Variants in TMEM71 observed in about 807,000 individuals in gnomAD.
TMEM71 encodes the protein transmembrane protein 71.
In TMEM71, 44 loss-of-function variants were observed where a neutral mutation model predicts 38.0. The ratio of observed to expected loss-of-function variants is 1.16; its 90% confidence interval spans 0.91 to 1.49. The LOEUF is 1.49. Ranked by LOEUF, TMEM71 falls within the 40% of genes most tolerant of loss-of-function variation. The pLI, the probability that TMEM71 is intolerant of heterozygous loss-of-function variation, is 0.00. For synonymous variants in TMEM71, 133 were observed against 122.5 expected (o/e 1.09, Z -0.56); for missense variants, 367 against 348.6 (o/e 1.05, Z -0.42).
intron 3 of TMEM71, among the ~76,000 whole-genome samples, chr8:132,753,950 C>A (rs1198711813): frequency 6.6e-6 from 1 of 152,144 alleles, no homozygotes; most frequent in African/African-American, 2.4e-5. Flanking sequence ...TCCATGTCCT[C>A]CCTGGGTCCT....
chr8:132,746,958 G>C lies in TMEM71; in HGVS notation c.471C>G (p.Asp157Glu). 1 of 1,603,736 alleles carries C rather than the reference G, an allele frequency of 6.2e-7. No individual in the cohort carries two copies. The highest frequency in any genetic ancestry group is 8.5e-7 in the Non-Finnish European group (1 of 1,176,946). ...WLKGTRRLDT[D>E]HCNGNADDLD... Reference sequence around the variant, plus strand: ...CAAACTCACCATTTCCATTGCAATGGTCTGTGTCCAACCTCCTGGTCCCCT... The same window carrying C: ...CAAACTCACCATTTCCATTGCAATGCTCTGTGTCCAACCTCCTGGTCCCCT... Residue 157 changes from aspartate to glutamate, a missense_variant, in exon 5 of 10, where the codon GAC (aspartate) becomes GAG (glutamate). By Grantham distance (45) the Asp-to-Glu change is conservative. Transcript: ENST00000677595.
chr8:132,770,182 G>T, the TMEM71 span, among the ~76,000 whole-genome samples: 15 of 152,158 alleles, frequency 9.9e-5, no homozygotes, highest in African/African-American at 3.6e-4. Context: ...TCTCTCATTT[G>T]GCTTGGTTTT....
intron 6 of TMEM71, 32 bp downstream of exon 6, chr8:132,727,766 G>A: frequency 1.3e-6 from 2 of 1,529,860 alleles, no homozygotes; most frequent in African/African-American, 1.4e-5. Flanking sequence ...AATTCTTTGG[G>A]TGTGGCAAAT....
chr8:132,766,060 A>G, the TMEM71 span, among the ~76,000 whole-genome samples: 1 of 152,140 alleles, frequency 6.6e-6, no homozygotes, highest in African/African-American at 2.4e-5. Context: ...CTGGGATTAC[A>G]GATATGAGCC....
chr8:132,716,252 G>A (rs966067792), intron 7 of TMEM71, among the ~76,000 whole-genome samples: 3 of 152,200 alleles, frequency 2.0e-5, no homozygotes, highest in South Asian at 2.1e-4. Flanking sequence ...CAAAGTTGTG[G>A]CTAGGCCCGG....
intron 5 of TMEM71, among the ~76,000 whole-genome samples, chr8:132,732,008 T>C (rs962781111): frequency 1.3e-5 from 2 of 152,322 alleles, no homozygotes; most frequent in East Asian, 1.9e-4. Flanking sequence ...AAAAGCTGCA[T>C]GGATACGGGC....
At chr8:132,753,413 T>G (rs1828834080) in intron 3 of TMEM71, among the ~76,000 whole-genome samples, 1 of 152,212 alleles carries the variant, frequency 6.6e-6, no homozygotes, top group Non-Finnish European at 1.5e-5. Context: ...TGTATTCCAC[T>G]TAATTGCATA....
chr8:132,714,464 C>T (rs1436625088), intron 7 of TMEM71, among the ~76,000 whole-genome samples: 1 of 152,012 alleles, frequency 6.6e-6, no homozygotes, highest in African/African-American at 2.4e-5. Flanking sequence ...GGAGAACATA[C>T]CGTCTTTTCA....
At chr8:132,738,487 T>C (rs1827864111) in intron 5 of TMEM71, among the ~76,000 whole-genome samples, 1 of 152,172 alleles carries the variant, frequency 6.6e-6, no homozygotes, top group African/African-American at 2.4e-5. Context: ...TTCCTTAGGA[T>C]ACTGGTTGAT....
the TMEM71 span, among the ~76,000 whole-genome samples, chr8:132,766,729 G>A: frequency 2.6e-4 from 39 of 151,278 alleles, no homozygotes; most frequent in Non-Finnish European, 5.9e-5. Context: ...AGGCGGAGGT[G>A]GCAGTGAGCC....
chr8:132,757,347 A>G, intron 2 of TMEM71, 53 bp from the exon 3 acceptor site: 1 of 1,327,994 alleles, frequency 7.5e-7, no homozygotes, highest in South Asian at 1.2e-5. Flanking sequence ...ATCAACAGTT[A>G]CATATGTTGA....
the TMEM71 span, chr8:132,775,516 C>T: frequency 2.7e-6 from 1 of 375,388 alleles, no homozygotes. Context: ...CCCCAGCTCG[C>T]TCCGCTCCTG....
intron 2 of TMEM71, chr8:132,758,361 A>T (rs1000574704): frequency 6.2e-6 from 1 of 160,768 alleles, no homozygotes; most frequent in Non-Finnish European, 1.4e-5. Context: ...AAAGGAATTT[A>T]GACTTTCAGA....
intron 6 of TMEM71, among the ~76,000 whole-genome samples, chr8:132,724,440 C>G (rs1019548611): frequency 6.6e-6 from 1 of 152,144 alleles, no homozygotes; most frequent in African/African-American, 2.4e-5. Context: ...AGCGATGTCT[C>G]TCCTACTTGC....
At chr8:132,760,111 A>C (rs1829247962) in intron 1 of TMEM71, among the ~76,000 whole-genome samples, 1 of 152,082 alleles carries the variant, frequency 6.6e-6, no homozygotes. Context: ...AGAAGGTCTT[A>C]TTGCTCTATC....
intron 4 of TMEM71, among the ~76,000 whole-genome samples, chr8:132,748,782 C>A (rs562574558): frequency 9.2e-5 from 14 of 152,276 alleles, no homozygotes; most frequent in African/African-American, 3.4e-4. Context: ...TCTTTAACAT[C>A]AAGAATATCT....
At chr8:132,775,643 T>G in the TMEM71 span, 1 of 338,328 alleles carries the variant, frequency 3.0e-6, no homozygotes, top group African/African-American at 2.2e-5. Flanking sequence ...GGAGGCCGAG[T>G]CGGTAAGAGG....
chr8:132,707,696 T>C (rs139847459), downstream of TMEM71, among the ~76,000 whole-genome samples: 20 of 152,304 alleles, frequency 1.3e-4, no homozygotes, highest in South Asian at 4.1e-4. Flanking sequence ...CTGTGAGAAA[T>C]ATGTTTCTTT....
chr8:132,749,589 C>G (rs1383249628), intron 4 of TMEM71, among the ~76,000 whole-genome samples: 4 of 152,306 alleles, frequency 2.6e-5, no homozygotes, highest in African/African-American at 9.6e-5. Flanking sequence ...TCCACCATGG[C>G]ACAGCCTCTA....
Sources: allele counts gnomAD v4.1 joint callset (sites outside exome capture counted in the v4.1 genomes callset), GRCh38; gene constraint gnomAD v4.1.1; transcripts MANE v1.5; gene names NCBI Gene and HGNC (gene_info 2026-07-23, HGNC 2026-07-21).